Variants in USP32 observed in about 807,000 individuals in gnomAD.
USP32 encodes ubiquitin carboxyl-terminal hydrolase 32.
Under a neutral mutation model 204.8 loss-of-function variants are expected in USP32, and 59 were observed. The ratio of observed to expected loss-of-function variants is 0.29; its 90% confidence interval spans 0.23 to 0.36. USP32 has a LOEUF of 0.36. Ranked by LOEUF, USP32 falls within the 10% of genes least tolerant of loss-of-function variation. The pLI is 1.00. For missense variants in USP32, 1,160 were observed against 1,946.4 expected (o/e 0.60, Z 7.60); for synonymous variants, 517 against 678.4 (o/e 0.76, Z 3.70).
chr17:60,227,492 A>T (rs1237259417), intron 12 of USP32, among the ~76,000 whole-genome samples: 1 of 151,694 alleles, frequency 6.6e-6, no homozygotes, highest in Non-Finnish European at 1.5e-5. Flanking sequence ...CTGGTCTTGA[A>T]TTCCTGACCT....
At chr17:60,339,597 A>C (rs527994127) in intron 2 of USP32, among the ~76,000 whole-genome samples, 2 of 151,898 alleles carry the variant, frequency 1.3e-5, no homozygotes, top group Admixed American at 1.3e-4. Flanking sequence ...AAAAAAAAAA[A>C]AAAAAGTATA....
At chr17:60,386,726 G>A (rs952120850) in intron 1 of USP32, among the ~76,000 whole-genome samples, 1 of 152,122 alleles carries the variant, frequency 6.6e-6, no homozygotes, top group African/African-American at 2.4e-5. Context: ...TTGGTAAATG[G>A]GGAGCTCACT....
intron 1 of USP32, among the ~76,000 whole-genome samples, chr17:60,363,627 T>C (rs1456006990): frequency 6.6e-6 from 1 of 151,528 alleles, no homozygotes; most frequent in Non-Finnish European, 1.5e-5. Flanking sequence ...GCTGGGACCA[T>C]AGGTCCATGC....
chr17:60,421,392 C>T (rs1433061613), intron 1 of USP32: 4 of 985,518 alleles, frequency 4.1e-6, no homozygotes, highest in Non-Finnish European at 4.8e-6. Flanking sequence ...CTATGCCCCT[C>T]TCCTGTGCCC....
Position 60,181,433 on chromosome 17 carries a change from C to T in USP32, c.4439G>A (p.Gly1480Asp), listed in dbSNP as rs144457236. The T allele has an allele frequency of 1.2e-6, 2 of 1,614,012 alleles. No homozygotes were observed. Among genetic ancestry groups the T allele is most frequent in the Admixed American group, 1.7e-5 (1 of 60,020 alleles). Residue 1480 changes from glycine to aspartate, a missense_variant, in exon 32 of 34, where the codon GGC (glycine) becomes GAC (aspartate). This residue lies in a region of USP32 where 244 missense variants were observed against 342.3 expected (regional missense o/e 0.71). Coordinates refer to ENST00000300896, the MANE Select transcript of USP32 (RefSeq NM_032582.4). The part of the protein sequence containing the change: ...NGFLYEHEAC[G>D]NGYSNGQLGN... Reference sequence around the variant, plus strand: ...AAGCTGACCATTGCTGTAGCCATTGCCACATGCTTCATGCTCATAAAGGAA... The same window carrying T: ...AAGCTGACCATTGCTGTAGCCATTGTCACATGCTTCATGCTCATAAAGGAA...
chr17:60,204,895 T>C (rs184799037), intron 26 of USP32, among the ~76,000 whole-genome samples: 1 of 151,706 alleles, frequency 6.6e-6, no homozygotes, highest in Admixed American at 6.6e-5. Flanking sequence ...TGCCTCAGCC[T>C]CCAGAGTAGT....
At chr17:60,222,645 A>T in intron 14 of USP32, 96 bp from the exon 15 acceptor site, 1 of 1,054,746 alleles carries the variant, frequency 9.5e-7, no homozygotes, top group Non-Finnish European at 1.3e-6. Context: ...CTCATATATC[A>T]CCACCCAGTT....
intron 27 of USP32, among the ~76,000 whole-genome samples, chr17:60,197,046 T>G (rs2084538990): frequency 6.6e-6 from 1 of 151,660 alleles, no homozygotes; most frequent in Non-Finnish European, 1.5e-5. Flanking sequence ...CTGGGTGTGG[T>G]TACGAGCATC....
chr17:60,336,576 C>T (rs1485541066), intron 2 of USP32, among the ~76,000 whole-genome samples: 3 of 143,408 alleles, frequency 2.1e-5, no homozygotes, highest in Non-Finnish European at 4.4e-5. Context: ...ATTAGCCGGG[C>T]GTAGTGGCGG....
At chr17:60,291,390 A>G (rs958915865) in intron 4 of USP32, among the ~76,000 whole-genome samples, 1 of 152,220 alleles carries the variant, frequency 6.6e-6, no homozygotes, top group Non-Finnish European at 1.5e-5. Flanking sequence ...AAAAAACTTC[A>G]TACAACACCT....
intron 19 of USP32, 152 bp from the exon 20 acceptor site, chr17:60,211,666 A>T: frequency 7.9e-7 from 1 of 1,264,686 alleles, no homozygotes; most frequent in Non-Finnish European, 1.1e-6. Context: ...AATGCTAGAG[A>T]AGGCTTTTCA....
At chr17:60,329,172 G>A (rs1216757431) in intron 2 of USP32, among the ~76,000 whole-genome samples, 4 of 151,914 alleles carry the variant, frequency 2.6e-5, no homozygotes, top group Non-Finnish European at 4.4e-5. Context: ...CTGTTTATTC[G>A]TAAAAAGAAA....
chr17:60,301,039 C>A (rs1426415925), intron 3 of USP32, among the ~76,000 whole-genome samples: 1 of 152,162 alleles, frequency 6.6e-6, no homozygotes, highest in Non-Finnish European at 1.5e-5. Flanking sequence ...CCTTTTTATA[C>A]CAGAATAATT....
chr17:60,329,825 G>C (rs2088336733), intron 2 of USP32, among the ~76,000 whole-genome samples: 1 of 152,062 alleles, frequency 6.6e-6, no homozygotes, highest in Non-Finnish European at 1.5e-5. Context: ...CCAACACATA[G>C]AATACCAACT....
chr17:60,234,251 C>T (rs2085652523), intron 12 of USP32, among the ~76,000 whole-genome samples: 1 of 151,386 alleles, frequency 6.6e-6, no homozygotes, highest in South Asian at 2.1e-4. Flanking sequence ...GTAGCTGGGA[C>T]CATAGGCGCC....
chr17:60,325,188 C>T (rs1257874859), intron 2 of USP32, among the ~76,000 whole-genome samples: 2 of 152,092 alleles, frequency 1.3e-5, no homozygotes, highest in Admixed American at 6.6e-5. Flanking sequence ...CTGAGGAGGG[C>T]AGATCACTTG....
rs567395608 is a variant in USP32, at chr17:60,288,243, C to A, written c.571+280G>T. ...TTACTTGAGCCCAAGAGTTCAAGAC[C>A]AGCATAGGCAATATAGACCCCTGCA... On this transcript the variant is annotated intron_variant, in intron 5 of 33. Transcript: ENST00000300896. 2.0e-5 allele frequency among the ~76,000 whole-genome samples: 3 copies of A among 150,238 alleles called. No individual in the cohort carries two copies. In the East Asian group the frequency reaches 6.0e-4, roughly 30 times the overall value.
chr17:60,319,932 G>C (rs2145937522), intron 2 of USP32, among the ~76,000 whole-genome samples: 1 of 152,188 alleles, frequency 6.6e-6, no homozygotes, highest in East Asian at 1.9e-4. Context: ...TTTTATTTAA[G>C]GGACTTGAGC....
At chr17:60,230,737 G>A (rs987027050) in intron 12 of USP32, among the ~76,000 whole-genome samples, 3 of 152,042 alleles carry the variant, frequency 2.0e-5, no homozygotes, top group African/African-American at 4.8e-5. Flanking sequence ...CTTCCTACAC[G>A]CTTATTTTTC....
Sources: allele counts gnomAD v4.1 joint callset (sites outside exome capture counted in the v4.1 genomes callset), GRCh38; gene constraint gnomAD v4.1.1; regional missense constraint gnomAD v4.1.1; transcripts MANE v1.5; gene names NCBI Gene and HGNC (gene_info 2026-07-23, HGNC 2026-07-21).